The following DOCK8 variants were observed in gnomAD, a reference collection of about 807,000 sequenced individuals.
DOCK8 encodes the protein dedicator of cytokinesis protein 8.
DOCK8 carries 141 observed loss-of-function variants against 245.6 expected under a neutral mutation model. That is an observed-to-expected ratio of 0.57 (90% confidence interval 0.50 to 0.66). The LOEUF (loss-of-function observed/expected upper bound fraction) is 0.66. DOCK8 is among the 30% of genes least tolerant of loss of function. The pLI is 0.00. For synonymous variants in DOCK8, 1,168 were observed against 970.2 expected (o/e 1.20, Z -3.79); for missense variants, 2,965 against 2,603.4 (o/e 1.14, Z -3.02).
At chr9:385,985 C>T (rs910117664) in intron 22 of DOCK8, among the ~76,000 whole-genome samples, 4 of 152,054 alleles carry the variant, frequency 2.6e-5, no homozygotes, top group African/African-American at 9.7e-5. Flanking sequence ...GGTGCAGTAC[C>T]GTACTAAACC....
At chr9:336,315 G>C (rs1462484145) in intron 11 of DOCK8, among the ~76,000 whole-genome samples, 1 of 152,210 alleles carries the variant, frequency 6.6e-6, no homozygotes, top group African/African-American at 2.4e-5. Context: ...ACTCTTGCCG[G>C]GTGGCATTTG....
At chr9:367,956 A>C in intron 14 of DOCK8, 62 bp from the exon 15 acceptor site, 1 of 1,382,180 alleles carries the variant, frequency 7.2e-7, no homozygotes, top group Non-Finnish European at 1.0e-6. Context: ...GCATTTGCTG[A>C]AGAACTTAGT....
intron 21 of DOCK8, chr9:381,127 C>T (rs958190316): frequency 6.6e-6 from 1 of 152,076 alleles, no homozygotes; most frequent in Non-Finnish European, 1.5e-5. Flanking sequence ...AACAAACAAA[C>T]ACCCTAAAAT....
chr9:241,421 C>T (rs1358318236), intron 1 of DOCK8, among the ~76,000 whole-genome samples: 1 of 152,136 alleles, frequency 6.6e-6, no homozygotes, highest in Non-Finnish European at 1.5e-5. Context: ...CTCTGTTCTA[C>T]TTTTTACTTC....
chr9:408,068 C>T (rs2055524322), intron 28 of DOCK8, among the ~76,000 whole-genome samples: 1 of 152,188 alleles, frequency 6.6e-6, no homozygotes, highest in South Asian at 2.1e-4. Context: ...GCACAGGGAA[C>T]CTGTTCCCAT....
At chr9:262,178 A>G (rs909252680) in intron 1 of DOCK8, among the ~76,000 whole-genome samples, 6 of 152,120 alleles carry the variant, frequency 3.9e-5, no homozygotes, top group Non-Finnish European at 8.8e-5. Context: ...TAAAAACACA[A>G]TGAGATACCA....
intron 46 of DOCK8, chr9:459,979 A>G (rs1257044978): frequency 6.6e-6 from 1 of 151,942 alleles, no homozygotes; most frequent in African/African-American, 2.4e-5. Flanking sequence ...AGAACCATCC[A>G]CCTCTTGATG....
chr9:217,377 T>C (rs950721396), intron 1 of DOCK8, among the ~76,000 whole-genome samples: 3 of 152,206 alleles, frequency 2.0e-5, no homozygotes, highest in African/African-American at 7.2e-5. Flanking sequence ...AGTGGCTGGC[T>C]GGGAGCTTTC....
intron 46 of DOCK8, chr9:452,500 A>G (rs1456047149): frequency 3.0e-5 from 5 of 166,880 alleles, no homozygotes; most frequent in Non-Finnish European, 6.5e-5. Context: ...CAGAGAGAGG[A>G]GATAATTTTA....
chr9:336,518 T>G, intron 11 of DOCK8, 64 bp from the exon 12 acceptor site: 1 of 1,606,630 alleles, frequency 6.2e-7, no homozygotes, highest in Non-Finnish European at 8.5e-7. Context: ...TATTGTGAAG[T>G]TAATAACTGC....
chr9:432,723 G>T (rs1003735440), intron 37 of DOCK8, among the ~76,000 whole-genome samples: 35 of 152,300 alleles, frequency 2.3e-4, no homozygotes, highest in African/African-American at 7.9e-4. Flanking sequence ...GTAGGATTCC[G>T]CTAGGCAGGG....
chr9:443,569 C>G, intron 43 of DOCK8, 53 bp downstream of exon 43: 1 of 1,409,838 alleles, frequency 7.1e-7, no homozygotes, highest in Non-Finnish European at 1.0e-6. Flanking sequence ...CCTTCGTTCT[C>G]TACCCAAGAA....
intron 24 of DOCK8, among the ~76,000 whole-genome samples, chr9:390,942 G>A (rs145874473): frequency 2.6e-5 from 4 of 152,108 alleles, no homozygotes; most frequent in Admixed American, 6.6e-5. Context: ...AAAACCGATC[G>A]ATGATTTTCA....
intron 1 of DOCK8, among the ~76,000 whole-genome samples, chr9:229,406 C>G (rs2047057733): frequency 6.6e-6 from 1 of 152,138 alleles, no homozygotes; most frequent in Admixed American, 6.6e-5. Context: ...AAACATAGTC[C>G]TGCCTGGAGG....
At position 404,974 on chromosome 9, in the gene DOCK8, G is replaced by C; in HGVS notation, c.3291G>C (p.Leu1097=). 1.2e-6 allele frequency: 2 copies of C among 1,614,046 alleles called. No homozygotes were observed. Among genetic ancestry groups the C allele is most frequent in the Non-Finnish European group, 1.7e-6 (2 of 1,180,000 alleles). ...TCATTTCCATGAGGCTAGAGTTCCT[G>C]AGAATCCTCTGTAGCCATGAGCATT... ...PTLISMRLEF[L]RILCSHEHYL... is the part of the protein sequence containing the mutation. Residue 1097 remains leucine, a synonymous_variant, in exon 27 of 48, where the codon CTG becomes CTC. Coordinates refer to ENST00000432829, the MANE Select transcript of DOCK8 (RefSeq NM_203447.4).
In DOCK8 at chr9:292,721, C is replaced by G. The variant is rs534497722; in HGVS notation, c.404+3140C>G. ...ATGTCTTCCCCAGTATGCCTTTTGTCTTTTAAAGTTGTTTTTAATTTTCAA... is the reference window on the plus strand; with the variant it reads ...ATGTCTTCCCCAGTATGCCTTTTGTGTTTTAAAGTTGTTTTTAATTTTCAA... On this transcript the variant is annotated intron_variant, in intron 4 of 47. Transcript: ENST00000432829. 7.2e-4 allele frequency among the ~76,000 whole-genome samples: 110 copies of G among 152,112 alleles called. 1 individual carries two copies. Among genetic ancestry groups the G allele is most frequent in the African/African-American group, 2.6e-3 (106 of 41,500 alleles).
chr9:353,863 T>C (rs1586777267), intron 14 of DOCK8, among the ~76,000 whole-genome samples: 1 of 152,212 alleles, frequency 6.6e-6, no homozygotes. Flanking sequence ...TAGGTACTTT[T>C]TAGCATTCTT....
chr9:331,197 T>C (rs1337690921), intron 9 of DOCK8, among the ~76,000 whole-genome samples: 1 of 152,202 alleles, frequency 6.6e-6, no homozygotes, highest in Non-Finnish European at 1.5e-5. Context: ...TGCTACCATA[T>C]AGAAGGTACT....
At chr9:334,181 G>A (rs921515118) in intron 10 of DOCK8, 44 bp from the exon 11 acceptor site, 15 of 1,612,308 alleles carry the variant, frequency 9.3e-6, no homozygotes, top group Admixed American at 8.3e-5. Context: ...AGTTGACTTG[G>A]TGCTGATGCT....
Sources: gnomAD v4.1 joint callset for allele counts (sites outside exome capture counted in the v4.1 genomes callset) on GRCh38, gnomAD v4.1.1 for gene constraint, MANE v1.5 for transcripts, NCBI Gene and HGNC (gene_info 2026-07-23, HGNC 2026-07-21) for gene names.